The following EPHB6 variants were observed in gnomAD, a reference collection of about 807,000 sequenced individuals.
EPHB6 encodes ephrin type-B receptor 6.
EPHB6 carries 51 observed loss-of-function variants against 107.0 expected under a neutral mutation model. The observed-to-expected ratio is 0.48, with a 90% CI of 0.38 to 0.60. The LOEUF (loss-of-function observed/expected upper bound fraction) is 0.60. EPHB6 is among the 20% of genes least tolerant of loss of function. The pLI, the probability that EPHB6 is intolerant of heterozygous loss-of-function variation, is 0.00. For missense variants in EPHB6, 1,141 were observed against 1,355.5 expected (o/e 0.84, Z 2.48); for synonymous variants, 553 against 549.0 (o/e 1.01, Z -0.10).
Position 142,871,021 on chromosome 7 carries a change from G to A in EPHB6, c.*117G>A, listed in dbSNP as rs1047558181. ...GCCCCACACCAAACCCAACCCTCCC[G>A]ATGGCTGCATTCCCTGGTCCTCCGC... On this transcript the variant is annotated 3_prime_UTR_variant, in exon 20 of 20. Transcript: ENST00000652003. 12 of 946,812 alleles carry A rather than the reference G, an allele frequency of 1.3e-5. No homozygotes were observed. Among genetic ancestry groups the A allele is most frequent in the Admixed American group, 4.0e-5 (2 of 50,296 alleles). 58.7% of individuals were successfully genotyped at this position (946,812 alleles called of 1,614,324 possible). A position where few individuals can be genotyped will look rare whatever the true frequency, so the allele number is the denominator to read the frequency against.
Position 142,863,949 on chromosome 7 carries a change from C to T in EPHB6, c.166-17C>T, listed in dbSNP as rs1802980272. 4 of 1,614,116 alleles carry T rather than the reference C, an allele frequency of 2.5e-6. No individual in the cohort carries two copies. Among genetic ancestry groups the T allele is most frequent in the East Asian group, 4.5e-5 (2 of 44,900 alleles). On this transcript the variant is annotated splice_polypyrimidine_tract_variant and intron_variant, in intron 6 of 19. Coordinates refer to ENST00000652003, the MANE Select transcript of EPHB6 (RefSeq NM_004445.6). ...TAAGCCCGGAGCCCCTAAAGCTTCT[C>T]CTGGCCCTTCCTGCAGTGGGACGAG... is the stretch of plus-strand genomic sequence containing the variant.
Position 142,866,338 on chromosome 7 carries a change from T to A in EPHB6, c.1462+22T>A. On this transcript the variant is annotated intron_variant, in intron 9 of 19. Transcript: ENST00000652003. The surrounding 1 kb of genome is among the most constrained non-coding windows in gnomAD (Gnocchi z 5.2). ...GAAGGTGAGCTCTTTTCCTTGGCCT[T>A]CAGGATCCCCTGCCTCCGCTCCTTT... The A allele has an allele frequency of 6.2e-7, 1 of 1,613,396 alleles. No individual in the cohort carries two copies. The highest frequency in any genetic ancestry group is 8.5e-7 in the Non-Finnish European group (1 of 1,179,862).
rs1249285315 is a variant in EPHB6, at chr7:142,867,986, T to C, written c.1866-11T>C. On this transcript the variant is annotated splice_polypyrimidine_tract_variant and intron_variant, in intron 12 of 19. Transcript: ENST00000652003. This position sits in a 1 kb window ranked among gnomAD's most constrained non-coding sequence, Gnocchi z 5.3. ...GGGAGCGTCATCCCCAGTCACCGTT[T>C]TGTTCCTCAGGAAGCGGCGTGGGAC... is the stretch of plus-strand genomic sequence containing the variant. 6.4e-7 allele frequency: 1 copy of C among 1,568,932 alleles called. No homozygotes were observed. Among genetic ancestry groups the C allele is most frequent in the Non-Finnish European group, 8.6e-7 (1 of 1,156,934 alleles).
Position 142,869,296 on chromosome 7 carries a change from G to C in EPHB6, c.2460+149G>C. The C allele has an allele frequency of 1.1e-6, 1 of 932,554 alleles. No individual in the cohort carries two copies. The highest frequency in any genetic ancestry group is 2.6e-5 in the East Asian group (1 of 38,412). The allele number at this position is 932,554 out of a possible 1,614,324, so 57.8% of individuals were successfully genotyped here. A position where few individuals can be genotyped will look rare whatever the true frequency, so the allele number is the denominator to read the frequency against. ...GAGGGAGGCTCTCCTGTGTGATGGG[G>C]AGATGAAAGCCTAGGCGACGGGGTT... On this transcript the variant is annotated intron_variant, in intron 16 of 19. Coordinates refer to ENST00000652003, the MANE Select transcript of EPHB6 (RefSeq NM_004445.6). The surrounding 1 kb of genome is among the most constrained non-coding windows in gnomAD (Gnocchi z 4.5).
rs35984674 is a variant in EPHB6, at chr7:142,868,310, C to T, written c.1988C>T (p.Ala663Val). Residue 663 changes from alanine (A) to valine (V), a missense_variant, in exon 14 of 20, where the codon GCC becomes GTC. This residue lies in a region of EPHB6 where 616 missense variants were observed against 759.3 expected (regional missense o/e 0.81). Coordinates refer to ENST00000652003, the MANE Select transcript of EPHB6 (RefSeq NM_004445.6). The surrounding 1 kb of genome is among the most constrained non-coding windows in gnomAD (Gnocchi z 4.2). ...EDPCQAIRELAREVDPAYIKI... is the reference protein window; with the variant it reads ...EDPCQAIRELVREVDPAYIKI... ...CCCTGTCAGGCCATCCGAGAACTTGCCCGGGAAGTCGATCCTGCTTATATC... is the reference window on the plus strand; with the variant it reads ...CCCTGTCAGGCCATCCGAGAACTTGTCCGGGAAGTCGATCCTGCTTATATC... The T allele has an allele frequency of 1.5e-3, 2,344 of 1,614,156 alleles. 2 individuals carry two copies. The highest frequency in any genetic ancestry group is 2.3e-3 in the Middle Eastern group (14 of 6,062).
At chr7:142,870,123 C>G in intron 17 of EPHB6, 91 bp from the exon 18 acceptor site, 1 of 1,587,156 alleles carries the variant, frequency 6.3e-7, no homozygotes, top group African/African-American at 1.3e-5. Context: ...ACCTCATGCT[C>G]CACCAGATTC....
rs768612042 is a variant in EPHB6 at position 142,867,863 on chromosome 7, G to A, written c.1866-134G>A. On this transcript the variant is annotated intron_variant, in intron 12 of 19. Coordinates refer to ENST00000652003, the MANE Select transcript of EPHB6 (RefSeq NM_004445.6). The surrounding 1 kb of genome is among the most constrained non-coding windows in gnomAD (Gnocchi z 5.3). ...AGCCAGCCCCTGCCCTGGGCCCCAC[G>A]TGGAGATGGGCAGGAGGGCCAGGCT... 2.0e-5 allele frequency: 29 copies of A among 1,454,320 alleles called. No individual in the cohort carries two copies. The highest frequency in any genetic ancestry group is 2.6e-5 in the Non-Finnish European group (28 of 1,061,358). The allele number at this position is 1,454,320 out of a possible 1,614,324, so 90.1% of individuals were successfully genotyped here.
chr7:142,865,565 C>T lies in EPHB6; in HGVS notation c.1040C>T (p.Pro347Leu). Residue 347 changes from proline (P) to leucine (L), a missense_variant, in exon 8 of 20, where the codon CCC (proline) becomes CTC (leucine). Physicochemically the swap from Pro to Leu is moderately conservative, Grantham distance 98. Coordinates refer to ENST00000652003, the MANE Select transcript of EPHB6 (RefSeq NM_004445.6). ...ARSHAPNPAA[P>L]VCPCLEGFYR... ...AGTCACGCTCCCAACCCAGCAGCCC[C>T]CGTTTGCCCCTGCCTGGAGGGCTTC... The T allele has an allele frequency of 1.2e-6, 2 of 1,613,800 alleles. No homozygotes were observed. Among genetic ancestry groups the T allele is most frequent in the South Asian group, 1.1e-5 (1 of 91,080 alleles).
At position 142,864,239 on chromosome 7, in the gene EPHB6, T is replaced by C. The variant is rs1259101945; in HGVS notation, c.439T>C (p.Trp147Arg). 1 of 1,613,802 alleles carries C rather than the reference T, an allele frequency of 6.2e-7. No individual in the cohort carries two copies. The highest frequency in any genetic ancestry group is 1.3e-5 in the African/African-American group (1 of 74,934). ...CGACAGCCCTGACAGCGTTTCCTCC[T>C]GGCACCTCAAACGCTGGACCAAGGT... ...EPDSPDSVSS[W>R]HLKRWTKVDT... Residue 147 changes from tryptophan to arginine, a missense_variant, in exon 7 of 20, where the codon TGG (tryptophan) becomes CGG (arginine). Trp to Arg is a moderately radical substitution (Grantham distance 101). Transcript: ENST00000652003.
At chr7:142,862,883 T>G (rs1802909422) in intron 4 of EPHB6, 50 bp downstream of exon 4, 1 of 283,764 alleles carries the variant, frequency 3.5e-6, no homozygotes, top group Admixed American at 4.7e-5. Context: ...GAAGGAGAGC[T>G]GTGAGAAATG....
intron 4 of EPHB6, 112 bp downstream of exon 4, chr7:142,862,945 C>T: frequency 2.0e-6 from 1 of 503,536 alleles, no homozygotes; most frequent in Non-Finnish European, 3.6e-6. Flanking sequence ...CCAAGATGGT[C>T]AAATGTGCAC....
chr7:142,868,965 T>C lies in EPHB6; in HGVS notation c.2287-9T>C, dbSNP rs543424029. On this transcript the variant is annotated splice_polypyrimidine_tract_variant and intron_variant, in intron 15 of 19. Transcript: ENST00000652003. The surrounding 1 kb of genome is among the most constrained non-coding windows in gnomAD (Gnocchi z 4.2). ...TCACTGACCTCTGCCCCCTGCCCCT[T>C]CCCCTCAGCAGCGGGAGGGCCAGTT... 5 of 1,606,384 alleles carry C rather than the reference T, an allele frequency of 3.1e-6. No homozygotes were observed. In the South Asian group the frequency reaches 5.5e-5, roughly 18 times the overall value.
rs755734001 is a variant in EPHB6, at chr7:142,870,615, G to A, written c.2890G>A (p.Glu964Lys). ...GGCCTGGCTTTCAGCCATTGGACTGGAGTGCTACCAGGACAACTTCTCCAA... is the reference window on the plus strand; with the variant it reads ...GGCCTGGCTTTCAGCCATTGGACTGAAGTGCTACCAGGACAACTTCTCCAA... ...PQAWLSAIGL[E>K]CYQDNFSKFG... Residue 964 changes from glutamate (E) to lysine (K), a missense_variant, in exon 19 of 20, where the codon GAG (glutamate) becomes AAG (lysine). Glu to Lys is a moderately conservative substitution (Grantham distance 56). Transcript: ENST00000652003. The A allele has an allele frequency of 1.2e-6, 2 of 1,614,230 alleles. No individual in the cohort carries two copies. Among genetic ancestry groups the A allele is most frequent in the South Asian group, 2.2e-5 (2 of 91,084 alleles).
In EPHB6 at chr7:142,870,790, C is replaced by A; in HGVS notation, c.2961-6C>A. 1 of 1,614,162 alleles carries A rather than the reference C, an allele frequency of 6.2e-7. No homozygotes were observed. Among genetic ancestry groups the A allele is most frequent in the Non-Finnish European group, 8.5e-7 (1 of 1,179,996 alleles). On this transcript the variant is annotated splice_region_variant and splice_polypyrimidine_tract_variant and intron_variant, in intron 19 of 19. Transcript: ENST00000652003. ...GCCCAGATTTGATCCCTTCCCTCCCCACCAGAGACCTGCCTGCCCTGGGCA... is the reference window on the plus strand; with the variant it reads ...GCCCAGATTTGATCCCTTCCCTCCCAACCAGAGACCTGCCTGCCCTGGGCA...
rs191408441 is a variant in EPHB6, at chr7:142,870,048, C to A, written c.2610+82C>A. The A allele has an allele frequency of 3.7e-5, 60 of 1,604,956 alleles. No homozygotes were observed. The African/African-American group carries it at 6.7e-4, about 18-fold the overall frequency. ...CATTCTAGGACCTCCATTCTCTACT[C>A]CGTTTGTATTCTAAGATCTCATGGC... is the stretch of plus-strand genomic sequence containing the variant. On this transcript the variant is annotated intron_variant, in intron 17 of 19. Coordinates refer to ENST00000652003, the MANE Select transcript of EPHB6 (RefSeq NM_004445.6).
In EPHB6 at chr7:142,866,040, C is replaced by A; in HGVS notation, c.1186C>A (p.Leu396Met). Residue 396 changes from leucine (L) to methionine (M), a missense_variant, in exon 9 of 20, where the codon CTG (leucine) becomes ATG (methionine). Leu to Met is a conservative substitution (Grantham distance 15). Coordinates refer to ENST00000652003, the MANE Select transcript of EPHB6 (RefSeq NM_004445.6). The surrounding 1 kb of genome is among the most constrained non-coding windows in gnomAD (Gnocchi z 5.2). ...LMLHWRLPRELGGRGDLLFNV... is the reference protein window; with the variant it reads ...LMLHWRLPREMGGRGDLLFNV... ...GCTACACTGGCGCCTGCCTCGGGAG[C>A]TGGGGGGTCGAGGGGACCTGCTCTT... The A allele has an allele frequency of 6.2e-7, 1 of 1,613,074 alleles. No homozygotes were observed. The highest frequency in any genetic ancestry group is 8.5e-7 in the Non-Finnish European group (1 of 1,179,562).
At position 142,864,358 on chromosome 7, in the gene EPHB6, G is replaced by A. The variant is rs1279741461; in HGVS notation, c.558G>A (p.Gly186=). Residue 186 remains glycine, a synonymous_variant, in exon 7 of 20, where the codon GGG becomes GGA. Transcript: ENST00000652003. ...SSAAWAVGPH[G]AGQRAGLQLN... ...CAGCGTGGGCTGTGGGACCCCACGG[G>A]GCTGGGCAGCGGGCTGGACTGCAAC... The A allele has an allele frequency of 6.2e-7, 1 of 1,613,358 alleles. No individual in the cohort carries two copies. Among genetic ancestry groups the A allele is most frequent in the Admixed American group, 1.7e-5 (1 of 60,028 alleles).
At chr7:142,858,423 CTTTTTTTTTTTTTTTTTTTTT>C (rs958011230) in intron 1 of EPHB6, among the ~76,000 whole-genome samples, 1 of 57,580 alleles carries the variant, frequency 1.7e-5, no homozygotes, top group Non-Finnish European at 2.9e-5. Flanking sequence ...TTAAGTCATT[CTTTTTTTTTTTTTTTTTTTTT>C]TTTTTTTTTG....
At chr7:142,863,457 A>T in intron 5 of EPHB6, 130 bp downstream of exon 5, 1 of 1,172,770 alleles carries the variant, frequency 8.5e-7, no homozygotes. Flanking sequence ...GGTGAGGATA[A>T]TGAAGACCCA....
Sources: gnomAD v4.1 joint callset for allele counts (sites outside exome capture counted in the v4.1 genomes callset) on GRCh38, gnomAD v4.1.1 for gene constraint, gnomAD v4.1.1 regional missense constraint, Gnocchi (gnomAD v3.1) non-coding constraint, MANE v1.5 for transcripts, NCBI Gene and HGNC (gene_info 2026-07-23, HGNC 2026-07-21) for gene names.